The following EXPH5 variants were observed in gnomAD, a reference collection of about 807,000 sequenced individuals.
The protein encoded by EXPH5 is exophilin-5.
Under a neutral mutation model 41.1 loss-of-function variants are expected in EXPH5, and 42 were observed. The observed-to-expected ratio is 1.02, with a 90% CI of 0.80 to 1.32. The LOEUF (loss-of-function observed/expected upper bound fraction) is 1.32, where lower values mean the gene tolerates loss of function less well. Ranked by LOEUF, EXPH5 falls within the 40% of genes most tolerant of loss-of-function variation. EXPH5 has a pLI of 0.00. For synonymous variants in EXPH5, 798 were observed against 833.5 expected (o/e 0.96, Z 0.73); for missense variants, 2,298 against 2,314.5 (o/e 0.99, Z 0.15).
At chr11:108,586,217 T>C (rs1314956559) in intron 1 of EXPH5, among the ~76,000 whole-genome samples, 1 of 152,130 alleles carries the variant, frequency 6.6e-6, no homozygotes, top group African/African-American at 2.4e-5. Context: ...CCCGAAGTGT[T>C]GGGATTACAG....
chr11:108,538,341 T>A, intron 3 of EXPH5: 1 of 642,944 alleles, frequency 1.6e-6, no homozygotes, highest in Non-Finnish European at 1.9e-6. Flanking sequence ...CAATTGCACT[T>A]AAGCATAGCC....
chr11:108,528,851 T>C (rs2093817787), intron 3 of EXPH5, among the ~76,000 whole-genome samples: 1 of 151,778 alleles, frequency 6.6e-6, no homozygotes, highest in South Asian at 2.1e-4. Context: ...TACAGGCGCC[T>C]GCCACCATGC....
chr11:108,589,687 AT>A (rs1393730999), intron 1 of EXPH5, among the ~76,000 whole-genome samples: 12 of 152,174 alleles, frequency 7.9e-5, no homozygotes. Context: ...ACGTTGCTAA[AT>A]TTCAGTTTTC....
the EXPH5 span, among the ~76,000 whole-genome samples, chr11:108,598,816 T>C: frequency 6.6e-6 from 1 of 152,150 alleles, no homozygotes; most frequent in Non-Finnish European, 1.5e-5. Flanking sequence ...GTGGGCCTGA[T>C]AACATAAGGG....
intron 1 of EXPH5, among the ~76,000 whole-genome samples, chr11:108,579,883 G>A (rs1410020891): frequency 3.3e-5 from 5 of 152,066 alleles, no homozygotes; most frequent in Admixed American, 6.6e-5. Context: ...CAACAGCAGT[G>A]GTAGCTGGGG....
rs774380050 is a variant in EXPH5 at position 108,510,679 on chromosome 11, C to G, written c.4828G>C (p.Val1610Leu). 1 of 1,614,188 alleles carries G rather than the reference C, an allele frequency of 6.2e-7. No individual in the cohort carries two copies. Among genetic ancestry groups the G allele is most frequent in the South Asian group, 1.1e-5 (1 of 91,080 alleles). Residue 1610 changes from valine (V) to leucine (L), a missense_variant, in exon 6 of 6, where the codon GTA (valine) becomes CTA (leucine). Physicochemically the swap from Val to Leu is conservative, Grantham distance 32 (BLOSUM62 1). Transcript: ENST00000265843. Reference protein sequence around the residue: ...KASRKFPAKDVSPRRHVATIF... With the variant: ...KASRKFPAKDLSPRRHVATIF... ...GTAGCTACATGTCTTCTGGGGCTTA[C>G]ATCTTTAGCTGGGAATTTTCTGCTG... is the stretch of plus-strand genomic sequence containing the variant.
At chr11:108,578,322 T>G (rs2094086556) in intron 1 of EXPH5, among the ~76,000 whole-genome samples, 1 of 152,210 alleles carries the variant, frequency 6.6e-6, no homozygotes, top group African/African-American at 2.4e-5. Flanking sequence ...TCTTGGCACA[T>G]TTGTTGAAAA....
Position 108,511,551 on chromosome 11 carries a change from T to C in EXPH5, c.3956A>G (p.Asn1319Ser). 1 of 1,612,902 alleles carries C rather than the reference T, an allele frequency of 6.2e-7. No homozygotes were observed. The highest frequency in any genetic ancestry group is 1.3e-5 in the African/African-American group (1 of 74,980). The change falls in exon 6 of 6, where the codon AAC becomes AGC. Residue 1319 changes from asparagine to serine, a missense_variant. By Grantham distance (46) the Asn-to-Ser change is conservative. Transcript: ENST00000265843. ...TTCAGTGGTGAGCGTCTGATCAGAG[T>C]TGACGGACATCTTTAGATTTTCACA... ...PSCENLKMSV[N>S]SDQTLTTENM... is the part of the protein sequence containing the mutation.
chr11:108,541,819 T>C lies in EXPH5; in HGVS notation c.120-7A>G. 1 of 1,579,466 alleles carries C rather than the reference T, an allele frequency of 6.3e-7. No homozygotes were observed. Among genetic ancestry groups the C allele is most frequent in the Non-Finnish European group, 8.6e-7 (1 of 1,166,428 alleles). ...CTTTGTCTTCTGAAGTTTGCTGAAA[T>C]AAAATAAAACATTAATGTGGTCTTT... is the stretch of plus-strand genomic sequence containing the variant. On this transcript the variant is annotated splice_region_variant and splice_polypyrimidine_tract_variant and intron_variant, in intron 1 of 5. Coordinates refer to ENST00000265843, the MANE Select transcript of EXPH5 (RefSeq NM_015065.3).
At chr11:108,566,688 A>AAAATAAAT (rs377605975) in intron 1 of EXPH5, among the ~76,000 whole-genome samples, 4 of 152,044 alleles carry the variant, frequency 2.6e-5, no homozygotes, top group Admixed American at 6.5e-5. Flanking sequence ...CCCCATCTCT[A>AAAATAAAT]AAATAAATAA....
rs186392200 is a variant in EXPH5, at chr11:108,547,798, G to A, written c.120-5986C>T. Among the ~76,000 whole-genome samples the A allele has an allele frequency of 1.7e-4, 26 of 152,154 alleles. No homozygotes were observed. The East Asian group carries it at 3.7e-3, about 22-fold the overall frequency. ...TTATACTTTGTGACTTGGCAATTGAGCGTTTCGTCAATTTTTAAATCAGTG... is the reference window on the plus strand; with the variant it reads ...TTATACTTTGTGACTTGGCAATTGAACGTTTCGTCAATTTTTAAATCAGTG... On this transcript the variant is annotated intron_variant, in intron 1 of 5. Coordinates refer to ENST00000265843, the MANE Select transcript of EXPH5 (RefSeq NM_015065.3).
rs76742774 is a variant in EXPH5, at chr11:108,569,954, G to A, written c.119+23464C>T. 8.7e-3 allele frequency among the ~76,000 whole-genome samples: 1,330 copies of A among 152,190 alleles called. 22 individuals are homozygous for A. Among genetic ancestry groups the A allele is most frequent in the African/African-American group, 0.03 (1,256 of 41,528 alleles). On this transcript the variant is annotated intron_variant, in intron 1 of 5. Transcript: ENST00000265843. ...GCAAATGGAGGAGCTTATCATACCCGGCAGCTCCAAGAAAAAGGTAAAATT... is the reference window on the plus strand; with the variant it reads ...GCAAATGGAGGAGCTTATCATACCCAGCAGCTCCAAGAAAAAGGTAAAATT...
At chr11:108,525,811 C>T (rs112801943) in intron 4 of EXPH5, among the ~76,000 whole-genome samples, 136 of 151,986 alleles carry the variant, frequency 8.9e-4, no homozygotes, top group African/African-American at 3.1e-3. Context: ...GAAATCTACA[C>T]GTCATGCAGA....
chr11:108,513,901 C>T lies in EXPH5; in HGVS notation c.1606G>A (p.Gly536Ser), dbSNP rs780183679. The T allele has an allele frequency of 6.2e-7, 1 of 1,610,844 alleles. No individual in the cohort carries two copies. Among genetic ancestry groups the T allele is most frequent in the South Asian group, 1.1e-5 (1 of 90,272 alleles). The change falls in exon 6 of 6, where the codon GGT (glycine) becomes AGT (serine). Residue 536 changes from glycine to serine, a missense_variant. Gly to Ser is a moderately conservative substitution (Grantham distance 56, BLOSUM62 0). Coordinates refer to ENST00000265843, the MANE Select transcript of EXPH5 (RefSeq NM_015065.3). ...SSEHWESFSS[G>S]YGTDVSRGQE... ...CCTCTGGAAACATCTGTTCCATAAC[C>T]AGAAGAAAATGATTCCCAGTGTTCA...
At chr11:108,596,990 C>T (rs2094139751), upstream of EXPH5, among the ~76,000 whole-genome samples, 1 of 152,168 alleles carries the variant, frequency 6.6e-6, no homozygotes, top group East Asian at 1.9e-4. Flanking sequence ...CCCAGGCTCT[C>T]AGCTAAAGAG....
upstream of EXPH5, among the ~76,000 whole-genome samples, chr11:108,595,654 A>G (rs2094137863): frequency 6.6e-6 from 1 of 152,224 alleles, no homozygotes; most frequent in African/African-American, 2.4e-5. Context: ...TCTACACATG[A>G]TACACAGATA....
rs1037810265 is a variant in EXPH5, at chr11:108,585,238, A to T, written c.119+8180T>A. ...CCTATTAGAATGGTTAAAATAAAAA[A>T]ATATTCAAAATACCAAATGCTGGCA... On this transcript the variant is annotated intron_variant, in intron 1 of 5. Coordinates refer to ENST00000265843, the MANE Select transcript of EXPH5 (RefSeq NM_015065.3). 2.0e-5 allele frequency among the ~76,000 whole-genome samples: 3 copies of T among 152,218 alleles called. No individual in the cohort carries two copies. The East Asian group carries it at 5.8e-4, about 29-fold the overall frequency.
intron 3 of EXPH5, among the ~76,000 whole-genome samples, chr11:108,535,695 C>T (rs921022131): frequency 6.6e-6 from 1 of 152,184 alleles, no homozygotes; most frequent in African/African-American, 2.4e-5. Flanking sequence ...GAGGTTGCAG[C>T]TGGACTGTCT....
rs1178499656 is a variant in EXPH5 at position 108,512,525 on chromosome 11, T to C, written c.2982A>G (p.Val994=). 1 of 1,613,272 alleles carries C rather than the reference T, an allele frequency of 6.2e-7. No homozygotes were observed. The highest frequency in any genetic ancestry group is 1.7e-5 in the Admixed American group (1 of 59,870). The change falls in exon 6 of 6, where the codon GTA becomes GTG. Residue 994 remains valine (V), a synonymous_variant. Coordinates refer to ENST00000265843, the MANE Select transcript of EXPH5 (RefSeq NM_015065.3). The stretch of plus-strand genomic sequence containing the variant: ...TGAGGCTCCTGTGATCACTGGTGGG[T>C]ACTGATATACTTTCTGTTTTGCTTA... ...EKLSKTESIS[V]PTSDHRSLIE...
Sources: allele counts gnomAD v4.1 joint callset (sites outside exome capture counted in the v4.1 genomes callset), GRCh38; gene constraint gnomAD v4.1.1; transcripts MANE v1.5; gene names NCBI Gene and HGNC (gene_info 2026-07-23, HGNC 2026-07-21).